FAM193A: variants seen among roughly 807,000 people sequenced by gnomAD.
The protein encoded by FAM193A is family with sequence similarity 193 member A.
Under a neutral mutation model 126.5 loss-of-function variants are expected in FAM193A, and 22 were observed. The observed-to-expected ratio is 0.17, with a 90% CI of 0.12 to 0.25. The LOEUF (loss-of-function observed/expected upper bound fraction) is 0.25. FAM193A is among the 10% of genes least tolerant of loss of function. The probability of loss-of-function intolerance (pLI) is 1.00; values close to 1 mark genes in which losing one functional copy is unlikely to be tolerated. For synonymous variants in FAM193A, 761 were observed against 646.8 expected (o/e 1.18, Z -2.68); for missense variants, 1,675 against 1,672.8 (o/e 1.00, Z -0.02).
At chr4:2,689,835 G>T in intron 14 of FAM193A, 131 bp downstream of exon 14, 2 of 626,206 alleles carry the variant, frequency 3.2e-6, no homozygotes, top group East Asian at 6.3e-5. Context: ...TGTCTCCAGT[G>T]GGAGGCCCCT....
intron 4 of FAM193A, among the ~76,000 whole-genome samples, chr4:2,629,288 A>G (rs1743316218): frequency 6.6e-6 from 1 of 151,476 alleles, no homozygotes; most frequent in Non-Finnish European, 1.5e-5. Context: ...GTCTGCTTCT[A>G]AGTTTGGTTG....
intron 1 of FAM193A, among the ~76,000 whole-genome samples, chr4:2,538,002 A>G (rs780761884): frequency 6.6e-6 from 1 of 152,136 alleles, no homozygotes; most frequent in Non-Finnish European, 1.5e-5. Context: ...TACACTATTT[A>G]TAAGTGGGTA....
At chr4:2,657,362 T>C (rs1418184054) in intron 7 of FAM193A, among the ~76,000 whole-genome samples, 1 of 152,208 alleles carries the variant, frequency 6.6e-6, no homozygotes. Context: ...ACTTCTTTGT[T>C]AGTTTTGTTT....
At chr4:2,647,089 G>A (rs886656805) in intron 7 of FAM193A, among the ~76,000 whole-genome samples, 1 of 152,204 alleles carries the variant, frequency 6.6e-6, no homozygotes, top group African/African-American at 2.4e-5. Context: ...TCCTTGGCCT[G>A]GGCACACCTG....
At chr4:2,629,946 C>G (rs186761283) in intron 4 of FAM193A, among the ~76,000 whole-genome samples, 1 of 152,218 alleles carries the variant, frequency 6.6e-6, no homozygotes, top group East Asian at 1.9e-4. Context: ...TCCTGGCTAA[C>G]ATGGTGAAAC....
intron 1 of FAM193A, among the ~76,000 whole-genome samples, chr4:2,566,620 C>T (rs147300833): frequency 0.024 from 3,645 of 151,776 alleles, 97 homozygotes; most frequent in African/African-American, 0.063. Flanking sequence ...ACCTGGGAGG[C>T]GAGGTTGCAG....
At chr4:2,577,411 G>GTTTTTTTTTTTTTTTT (rs67407606) in intron 1 of FAM193A, among the ~76,000 whole-genome samples, 18 of 101,872 alleles carry the variant, frequency 1.8e-4, no homozygotes, top group Middle Eastern at 5.7e-3. Context: ...AATTAAAGTG[G>GTTTTTTTTTTTTTTTT]TTTTTTTTTT....
intron 20 of FAM193A, among the ~76,000 whole-genome samples, chr4:2,717,619 A>C (rs1299136372): frequency 6.8e-6 from 1 of 146,680 alleles, no homozygotes; most frequent in African/African-American, 2.5e-5. Flanking sequence ...AAAAAAAGCC[A>C]GGCATGCACT....
At chr4:2,669,748 CAG>C (rs1713580146) in intron 12 of FAM193A, among the ~76,000 whole-genome samples, 1 of 152,188 alleles carries the variant, frequency 6.6e-6, no homozygotes, top group African/African-American at 2.4e-5. Context: ...AATTCCACAC[CAG>C]AGTGTTACTC....
At chr4:2,620,058 G>A (rs554432264) in intron 2 of FAM193A, among the ~76,000 whole-genome samples, 52 of 152,090 alleles carry the variant, frequency 3.4e-4, no homozygotes, top group Non-Finnish European at 6.0e-4. Flanking sequence ...TTTTGGTTTC[G>A]TTACTGGATG....
intron 13 of FAM193A, among the ~76,000 whole-genome samples, chr4:2,681,941 G>T (rs1345153120): frequency 7.6e-6 from 1 of 131,030 alleles, no homozygotes; most frequent in Non-Finnish European, 1.7e-5. Context: ...TCCATTGGTT[G>T]TTTCCATCCC....
At chr4:2,545,511 C>T (rs1737492004) in intron 1 of FAM193A, among the ~76,000 whole-genome samples, 1 of 151,796 alleles carries the variant, frequency 6.6e-6, no homozygotes, top group Admixed American at 6.6e-5. Flanking sequence ...TGTGTCTATT[C>T]CTTTCTGTAC....
At chr4:2,627,748 T>A (rs925310950) in intron 4 of FAM193A, among the ~76,000 whole-genome samples, 3 of 150,938 alleles carry the variant, frequency 2.0e-5, no homozygotes, top group African/African-American at 7.3e-5. Flanking sequence ...CAGCTAATTT[T>A]TTTTTTTTTT....
intron 1 of FAM193A, among the ~76,000 whole-genome samples, chr4:2,566,192 C>T (rs548647413): frequency 5.9e-5 from 9 of 151,964 alleles, no homozygotes; most frequent in African/African-American, 1.7e-4. Flanking sequence ...GGACTACAGG[C>T]GCCCGCCACC....
chr4:2,690,508 A>G (rs1321037157), intron 14 of FAM193A, among the ~76,000 whole-genome samples, 190 bp from the exon 15 acceptor site: 2 of 152,244 alleles, frequency 1.3e-5, no homozygotes, highest in African/African-American at 4.8e-5. Flanking sequence ...TAGCACAGGA[A>G]TTGGCACATA....
intron 20 of FAM193A, among the ~76,000 whole-genome samples, chr4:2,722,012 C>G (rs1720221904): frequency 6.6e-6 from 1 of 152,194 alleles, no homozygotes; most frequent in African/African-American, 2.4e-5. Flanking sequence ...CCACACAGCA[C>G]AACCATACTA....
At chr4:2,565,434 T>A (rs866138602) in intron 1 of FAM193A, among the ~76,000 whole-genome samples, 18 of 152,020 alleles carry the variant, frequency 1.2e-4, no homozygotes, top group African/African-American at 3.9e-4. Context: ...ATTTTTGTAT[T>A]TTTAATAGAG....
At chr4:2,633,846 T>C (rs987637964) in intron 5 of FAM193A, among the ~76,000 whole-genome samples, 1 of 152,072 alleles carries the variant, frequency 6.6e-6, no homozygotes, top group African/African-American at 2.4e-5. Flanking sequence ...TGAGCCGAGA[T>C]GGGGCCGCTG....
rs939472167 is a variant in FAM193A, at chr4:2,732,219, A to G, written c.*351A>G. Reference sequence around the variant, plus strand: ...CCTCTGCATTGCGCCCTGTCCTGTCATGTGTCCTCACCGGGGTATCGGCCG... The same window carrying G: ...CCTCTGCATTGCGCCCTGTCCTGTCGTGTGTCCTCACCGGGGTATCGGCCG... On this transcript the variant is annotated 3_prime_UTR_variant, in exon 21 of 21. Coordinates refer to ENST00000637812, the MANE Select transcript of FAM193A (RefSeq NM_001366318.2). 10 of 302,248 alleles carry G rather than the reference A, an allele frequency of 3.3e-5. No individual in the cohort carries two copies. The highest frequency in any genetic ancestry group is 2.7e-4 in the South Asian group (8 of 29,668). 18.7% of individuals were successfully genotyped at this position (302,248 alleles called of 1,614,324 possible). A position where few individuals can be genotyped will look rare whatever the true frequency, so the allele number is the denominator to read the frequency against.
Sources: allele counts gnomAD v4.1 joint callset (sites outside exome capture counted in the v4.1 genomes callset), GRCh38; gene constraint gnomAD v4.1.1; transcripts MANE v1.5; gene names NCBI Gene and HGNC (gene_info 2026-07-23, HGNC 2026-07-21).